Variants in FBXW8 observed in about 807,000 individuals in gnomAD.
FBXW8 encodes the protein F-box/WD repeat-containing protein 8.
FBXW8 carries 57 observed loss-of-function variants against 65.3 expected under a neutral mutation model. That is an observed-to-expected ratio of 0.87 (90% CI 0.71 to 1.09). The LOEUF (loss-of-function observed/expected upper bound fraction) is 1.09. Among genes scored for constraint, FBXW8 ranks in the 50% least tolerant of loss-of-function variants. FBXW8 has a pLI of 0.00. For synonymous variants in FBXW8, 308 were observed against 330.2 expected, an observed-to-expected ratio of 0.93 and a Z score of 0.73; for missense variants, 777 against 814.8, an observed-to-expected ratio of 0.95 and a Z score of 0.57.
At chr12:117,019,296 C>A (rs1954031795) in intron 8 of FBXW8, among the ~76,000 whole-genome samples, 1 of 152,194 alleles carries the variant, frequency 6.6e-6, no homozygotes, top group Non-Finnish European at 1.5e-5. Flanking sequence ...ATCTAGCAGA[C>A]CTCTTCAAGA....
At chr12:117,005,837 C>G (rs1953660940) in intron 7 of FBXW8, among the ~76,000 whole-genome samples, 1 of 152,208 alleles carries the variant, frequency 6.6e-6, no homozygotes, top group South Asian at 2.1e-4. Context: ...ATATGTGAGG[C>G]AGGTTACTAG....
Position 116,940,255 on chromosome 12 carries a change from CT to C in FBXW8, c.424-5096del, listed in dbSNP as rs76455764. On this transcript the variant is annotated intron_variant, in intron 2 of 10. Transcript: ENST00000652555. The stretch of plus-strand genomic sequence containing the variant: ...CTATCTTTAGCACCATCCTGGTTAT[CT>C]TTTTTTTTTTTTAAATAATTAAGAC... Among the ~76,000 whole-genome samples, 915 of 142,876 alleles carry C rather than the reference CT, an allele frequency of 6.4e-3. 8 individuals are homozygous for C. Among genetic ancestry groups the C allele is most frequent in the South Asian group, 0.038 (172 of 4,494 alleles). 93.7% of individuals were successfully genotyped at this position (142,876 alleles called of 152,430 possible). A position where few individuals can be genotyped will look rare whatever the true frequency, so the allele number is the denominator to read the frequency against.
intron 7 of FBXW8, among the ~76,000 whole-genome samples, chr12:116,992,083 G>A (rs986958196): frequency 1.3e-5 from 2 of 152,204 alleles, no homozygotes; most frequent in Admixed American, 6.5e-5. Flanking sequence ...CAGCAAACTG[G>A]TGCTTGTCAA....
At chr12:116,918,114 T>C (rs922942588) in intron 1 of FBXW8, among the ~76,000 whole-genome samples, 2 of 152,194 alleles carry the variant, frequency 1.3e-5, no homozygotes, top group Non-Finnish European at 2.9e-5. Context: ...AATACCTCAG[T>C]TGGCACCTGA....
chr12:116,958,143 C>G (rs1013860107), intron 4 of FBXW8, among the ~76,000 whole-genome samples: 2 of 152,190 alleles, frequency 1.3e-5, no homozygotes, highest in East Asian at 3.9e-4. Context: ...CATTATTTTT[C>G]AATTGATGCG....
At chr12:117,006,781 A>G (rs1953687313) in intron 7 of FBXW8, among the ~76,000 whole-genome samples, 1 of 152,258 alleles carries the variant, frequency 6.6e-6, no homozygotes, top group Non-Finnish European at 1.5e-5. Context: ...CGTTCATTCC[A>G]GTGCCTAGAA....
chr12:117,022,108 G>C (rs755468977), intron 8 of FBXW8, among the ~76,000 whole-genome samples: 1 of 152,124 alleles, frequency 6.6e-6, no homozygotes, highest in Non-Finnish European at 1.5e-5. Flanking sequence ...GGAGGCAGCT[G>C]GTCCTTAACA....
At chr12:117,003,321 G>A (rs1953586143) in intron 7 of FBXW8, among the ~76,000 whole-genome samples, 1 of 152,208 alleles carries the variant, frequency 6.6e-6, no homozygotes. Context: ...ACACTGCACA[G>A]GTATCCAAAG....
At chr12:116,934,672 A>C (rs192700112) in intron 2 of FBXW8, among the ~76,000 whole-genome samples, 1 of 152,318 alleles carries the variant, frequency 6.6e-6, no homozygotes, top group East Asian at 1.9e-4. Context: ...AAAAAATAGT[A>C]CAGAGAGTTC....
At chr12:116,937,736 C>G (rs1565904554) in intron 2 of FBXW8, among the ~76,000 whole-genome samples, 1 of 151,970 alleles carries the variant, frequency 6.6e-6, no homozygotes, top group African/African-American at 2.4e-5. Context: ...GGTGTGTCCT[C>G]CCACAGTAGA....
chr12:116,966,739 G>T (rs1274655401), intron 5 of FBXW8, among the ~76,000 whole-genome samples: 1 of 151,820 alleles, frequency 6.6e-6, no homozygotes, highest in Non-Finnish European at 1.5e-5. Flanking sequence ...TTTTGAGACA[G>T]GGTTTTGCTG....
intron 5 of FBXW8, among the ~76,000 whole-genome samples, chr12:116,967,127 T>TG (rs1399181327): frequency 6.6e-6 from 1 of 151,618 alleles, no homozygotes; most frequent in Non-Finnish European, 1.5e-5. Context: ...ATTTTACTCG[T>TG]GGGGGGTCCT....
chr12:116,992,684 A>G (rs1953272903), intron 7 of FBXW8, among the ~76,000 whole-genome samples: 1 of 151,964 alleles, frequency 6.6e-6, no homozygotes, highest in African/African-American at 2.4e-5. Flanking sequence ...TACTTCACTT[A>G]GGATAATGGC....
At chr12:116,991,070 C>T (rs1024269782) in intron 7 of FBXW8, among the ~76,000 whole-genome samples, 3 of 152,208 alleles carry the variant, frequency 2.0e-5, no homozygotes, top group African/African-American at 7.2e-5. Context: ...AAATTTGCTG[C>T]AAGAATGTTT....
intron 8 of FBXW8, among the ~76,000 whole-genome samples, chr12:117,020,995 G>C (rs1954080253): frequency 6.6e-6 from 1 of 152,190 alleles, no homozygotes; most frequent in Admixed American, 6.5e-5. Flanking sequence ...AAGTGGAATT[G>C]CCGGCTCAGA....
rs1367834588 is a variant in FBXW8, at chr12:117,016,757, G to T, written c.1367+6307G>T. On this transcript the variant is annotated intron_variant, in intron 8 of 10. Transcript: ENST00000652555. The stretch of plus-strand genomic sequence containing the variant: ...TAAGTTTTCTTCAAAGGGTTTTATA[G>T]TTTTGGCTCTTACACTGAGGTCTGT... Among the ~76,000 whole-genome samples the T allele has an allele frequency of 2.0e-5, 3 of 151,774 alleles. No homozygotes were observed. In the East Asian group the frequency reaches 5.8e-4, roughly 29 times the overall value.
At chr12:116,981,738 T>G (rs1294401043) in intron 5 of FBXW8, among the ~76,000 whole-genome samples, 2 of 152,192 alleles carry the variant, frequency 1.3e-5, no homozygotes, top group South Asian at 4.1e-4. Flanking sequence ...GTCAGCCTCC[T>G]GAGTATCTGG....
chr12:116,952,584 C>A (rs944535108), intron 4 of FBXW8, among the ~76,000 whole-genome samples: 1 of 152,214 alleles, frequency 6.6e-6, no homozygotes, highest in Admixed American at 6.5e-5. Flanking sequence ...GGACCATCTA[C>A]AGCTGACAGG....
At chr12:116,937,403 A>G (rs1343258511) in intron 2 of FBXW8, among the ~76,000 whole-genome samples, 1 of 152,160 alleles carries the variant, frequency 6.6e-6, no homozygotes, top group African/African-American at 2.4e-5. Flanking sequence ...CTCCACAAGG[A>G]TTAGAGGCCG....
Sources: allele counts gnomAD v4.1 joint callset (sites outside exome capture counted in the v4.1 genomes callset), GRCh38; gene constraint gnomAD v4.1.1; transcripts MANE v1.5; gene names NCBI Gene and HGNC (gene_info 2026-07-23, HGNC 2026-07-21).